The following TMEM132B variants were observed in gnomAD, a reference collection of about 807,000 sequenced individuals.
TMEM132B encodes the protein transmembrane protein 132B.
Under a neutral mutation model 90.8 loss-of-function variants are expected in TMEM132B, and 18 were observed. The observed-to-expected ratio is 0.20, with a 90% CI of 0.14 to 0.29. The LOEUF (loss-of-function observed/expected upper bound fraction) is 0.29, where lower values mean the gene tolerates loss of function less well. Among genes scored for constraint, TMEM132B ranks in the 10% least tolerant of loss-of-function variants. The pLI, the probability that TMEM132B is intolerant of heterozygous loss-of-function variation, is 1.00. For missense variants in TMEM132B, 1,096 were observed against 1,326.8 expected (o/e 0.83, Z 2.70); for synonymous variants, 504 against 523.3 (o/e 0.96, Z 0.50).
At chr12:125,580,426 A>G (rs1286193439) in intron 4 of TMEM132B, among the ~76,000 whole-genome samples, 2 of 152,194 alleles carry the variant, frequency 1.3e-5, no homozygotes, top group South Asian at 4.1e-4. Flanking sequence ...GGGTTTTTTC[A>G]GGGAACCATT....
At chr12:125,223,840 G>A (rs1403763768) in intron 1 of TMEM132B, among the ~76,000 whole-genome samples, 1 of 151,764 alleles carries the variant, frequency 6.6e-6, no homozygotes, top group Admixed American at 6.6e-5. Flanking sequence ...AGGGTGGCGC[G>A]ATCTTGGTTC....
At position 125,349,829 on chromosome 12, in the gene TMEM132B, G is replaced by A. The variant is rs575745159; in HGVS notation, c.445G>A (p.Gly149Ser). 6.2e-7 allele frequency: 1 copy of A among 1,614,218 alleles called. No homozygotes were observed. The highest frequency in any genetic ancestry group is 1.7e-5 in the Admixed American group (1 of 60,034). Residue 149 changes from glycine (G) to serine (S), a missense_variant, in exon 2 of 9, where the codon GGC (glycine) becomes AGC (serine). Physicochemically the swap from Gly to Ser is moderately conservative, Grantham distance 56. Transcript: ENST00000682704. This position sits in a 1 kb window ranked among gnomAD's most constrained non-coding sequence, Gnocchi z 4.1. ...AGTGCAGACCTTGTTTTATGTCACTGGCATGGGCTGGGATGACAGTGACCT... is the reference window on the plus strand; with the variant it reads ...AGTGCAGACCTTGTTTTATGTCACTAGCATGGGCTGGGATGACAGTGACCT... ...PKVQTLFYVTGMGWDDSDLTE... is the reference protein window; with the variant it reads ...PKVQTLFYVTSMGWDDSDLTE...
intron 1 of TMEM132B, among the ~76,000 whole-genome samples, chr12:125,346,656 G>A (rs966346029): frequency 1.3e-5 from 2 of 152,178 alleles, no homozygotes; most frequent in African/African-American, 2.4e-5. Context: ...CCTTGGTGGC[G>A]GCAGCAGCTA....
chr12:125,606,725 C>T (rs1885705368), intron 5 of TMEM132B, among the ~76,000 whole-genome samples: 1 of 152,224 alleles, frequency 6.6e-6, no homozygotes, highest in African/African-American at 2.4e-5. Flanking sequence ...TGACCTCCTG[C>T]CTCCTCCTCA....
intron 4 of TMEM132B, among the ~76,000 whole-genome samples, chr12:125,534,320 C>T (rs1883735158): frequency 6.6e-6 from 1 of 152,116 alleles, no homozygotes; most frequent in Admixed American, 6.5e-5. Flanking sequence ...AATTTGAGAC[C>T]AGCCTGGGAA....
At chr12:125,531,691 A>C (rs1883650622) in intron 4 of TMEM132B, among the ~76,000 whole-genome samples, 1 of 152,244 alleles carries the variant, frequency 6.6e-6, no homozygotes, top group Non-Finnish European at 1.5e-5. Flanking sequence ...GTGTTCTGCA[A>C]ACAGCCATAA....
intron 1 of TMEM132B, among the ~76,000 whole-genome samples, chr12:125,291,475 G>T (rs1593071883): frequency 6.6e-6 from 1 of 152,162 alleles, no homozygotes; most frequent in African/African-American, 2.4e-5. Flanking sequence ...CTCCATGCTG[G>T]CTCTGAAGAT....
chr12:125,279,555 TTGC>T, intron 1 of TMEM132B, among the ~76,000 whole-genome samples: 1 of 152,182 alleles, frequency 6.6e-6, no homozygotes, highest in Non-Finnish European at 1.5e-5. Context: ...CATGCATATG[TTGC>T]TGTGTTTTTC....
intron 3 of TMEM132B, among the ~76,000 whole-genome samples, chr12:125,502,199 C>T (rs2136601635): frequency 6.6e-6 from 1 of 152,304 alleles, no homozygotes; most frequent in Non-Finnish European, 1.5e-5. Flanking sequence ...TCAGAAAGTC[C>T]TCCTTTCACT....
chr12:125,276,814 G>C (rs1875003945), intron 1 of TMEM132B, among the ~76,000 whole-genome samples: 1 of 152,204 alleles, frequency 6.6e-6, no homozygotes, highest in Non-Finnish European at 1.5e-5. Flanking sequence ...CTTTCCAAGA[G>C]GCACGTGTAA....
chr12:125,515,460 CAG>C (rs951941197), intron 3 of TMEM132B, among the ~76,000 whole-genome samples: 1 of 144,576 alleles, frequency 6.9e-6, no homozygotes, highest in Admixed American at 7.0e-5. Flanking sequence ...CATTCCCTCA[CAG>C]AAACACATTC....
At chr12:125,506,072 C>T (rs1443552602) in intron 3 of TMEM132B, among the ~76,000 whole-genome samples, 1 of 152,172 alleles carries the variant, frequency 6.6e-6, no homozygotes, top group African/African-American at 2.4e-5. Context: ...TGAATGTTTA[C>T]AACAGCATAT....
At chr12:125,521,937 G>C (rs1316689042) in intron 4 of TMEM132B, among the ~76,000 whole-genome samples, 1 of 152,198 alleles carries the variant, frequency 6.6e-6, no homozygotes, top group Non-Finnish European at 1.5e-5. Context: ...GGATTTGAGG[G>C]TGACGGGCTC....
intron 3 of TMEM132B, among the ~76,000 whole-genome samples, chr12:125,467,185 A>C (rs1272971099): frequency 2.6e-5 from 4 of 152,006 alleles, no homozygotes; most frequent in Non-Finnish European, 5.9e-5. Flanking sequence ...TCCTGCCTCC[A>C]TGTAGAACCT....
At chr12:125,265,104 G>A (rs1874655894) in intron 1 of TMEM132B, among the ~76,000 whole-genome samples, 1 of 152,136 alleles carries the variant, frequency 6.6e-6, no homozygotes, top group African/African-American at 2.4e-5. Flanking sequence ...ATAAGCATTT[G>A]TGTATGTAAA....
At position 125,653,471 on chromosome 12, in the gene TMEM132B, T is replaced by C. The variant is rs1361573616; in HGVS notation, c.2107-94T>C. 4 of 1,356,764 alleles carry C rather than the reference T, an allele frequency of 2.9e-6. No homozygotes were observed. The East Asian group carries it at 7.5e-5, about 26-fold the overall frequency. 84.0% of individuals were successfully genotyped at this position (1,356,764 alleles called of 1,614,324 possible). ...TATAAAACTATAGAAATCTTCTCCT[T>C]ATATTTAAACAATTTATATAGGAAA... is the stretch of plus-strand genomic sequence containing the variant. On this transcript the variant is annotated intron_variant, in intron 8 of 8. Coordinates refer to ENST00000682704, the MANE Select transcript of TMEM132B (RefSeq NM_001366854.1).
chr12:125,270,301 C>T (rs191770675), intron 1 of TMEM132B, among the ~76,000 whole-genome samples: 6 of 152,182 alleles, frequency 3.9e-5, no homozygotes, highest in Admixed American at 3.9e-4. Flanking sequence ...TGCATCCTAC[C>T]CTGCTAAGTT....
intron 4 of TMEM132B, among the ~76,000 whole-genome samples, chr12:125,564,063 C>T (rs575360691): frequency 1.3e-5 from 2 of 152,272 alleles, no homozygotes; most frequent in South Asian, 4.2e-4. Flanking sequence ...AGCCCACTCA[C>T]GTGTTTGAAG....
At chr12:125,249,687 A>C (rs1228681756) in intron 1 of TMEM132B, among the ~76,000 whole-genome samples, 1 of 152,246 alleles carries the variant, frequency 6.6e-6, no homozygotes, top group African/African-American at 2.4e-5. Flanking sequence ...AATGTCAGGC[A>C]GGTCTTGAAG....
Sources: gnomAD v4.1 joint callset for allele counts (sites outside exome capture counted in the v4.1 genomes callset) on GRCh38, gnomAD v4.1.1 for gene constraint, Gnocchi (gnomAD v3.1) non-coding constraint, MANE v1.5 for transcripts, NCBI Gene and HGNC (gene_info 2026-07-23, HGNC 2026-07-21) for gene names.